The following KAZN variants were observed in gnomAD, a reference collection of about 807,000 sequenced individuals.
KAZN encodes kazrin.
A neutral mutation model predicts 87.4 loss-of-function variants in KAZN; 40 were observed. The observed-to-expected ratio is 0.46, with a 90% confidence interval of 0.36 to 0.60. KAZN has a LOEUF of 0.60. Among genes scored for constraint, KAZN ranks in the 20% least tolerant of loss-of-function variants. The pLI is 0.00. For synonymous variants in KAZN, 466 were observed against 458.3 expected (o/e 1.02, Z -0.22); for missense variants, 898 against 1,073.9 (o/e 0.84, Z 2.29).
intron 1 of KAZN, among the ~76,000 whole-genome samples, chr1:14,156,910 GTT>G (rs200937006): frequency 8.2e-6 from 1 of 122,480 alleles, no homozygotes; most frequent in Non-Finnish European, 1.8e-5. Context: ...GTGGTCTTTT[GTT>G]TTTTTTTTTT....
chr1:15,090,507 C>G (rs1344324636), intron 8 of KAZN, among the ~76,000 whole-genome samples: 1 of 152,244 alleles, frequency 6.6e-6, no homozygotes, highest in Non-Finnish European at 1.5e-5. Flanking sequence ...GGCTGCCGGC[C>G]TGCACCCCGG....
At chr1:14,205,239 C>T (rs1646715822) in intron 2 of KAZN, among the ~76,000 whole-genome samples, 1 of 152,156 alleles carries the variant, frequency 6.6e-6, no homozygotes, top group Non-Finnish European at 1.5e-5. Flanking sequence ...CAGCTGTGTT[C>T]TCAGGAGAGC....
At chr1:14,589,917 G>A (rs530501922) in intron 2 of KAZN, among the ~76,000 whole-genome samples, 1 of 152,020 alleles carries the variant, frequency 6.6e-6, no homozygotes, top group Non-Finnish European at 1.5e-5. Flanking sequence ...TAAGAATCTG[G>A]GAAAAGAATG....
chr1:14,987,622 G>A (rs977230540), intron 2 of KAZN, among the ~76,000 whole-genome samples: 1 of 152,204 alleles, frequency 6.6e-6, no homozygotes, highest in South Asian at 2.1e-4. Flanking sequence ...TGAGCTTCGC[G>A]TATGTTGGGG....
Position 14,949,436 on chromosome 1 carries a change from A to G in KAZN, c.227-11248A>G, listed in dbSNP as rs904344520. 5.3e-5 allele frequency among the ~76,000 whole-genome samples: 8 copies of G among 152,156 alleles called. No homozygotes were observed. Among genetic ancestry groups the G allele is most frequent in the African/African-American group, 1.7e-4 (7 of 41,420 alleles). On this transcript the variant is annotated intron_variant, in intron 1 of 14. Transcript: ENST00000376030. The surrounding 1 kb of genome is among the most constrained non-coding windows in gnomAD (Gnocchi z 4.3). ...GCAGACTGTTCATAAGTCATCAAGG[A>G]GGCCTGGCCATGGGCTCTGGGACTG...
At chr1:14,637,301 C>T (rs1377064521) in intron 1 of KAZN, among the ~76,000 whole-genome samples, 1 of 152,126 alleles carries the variant, frequency 6.6e-6, no homozygotes, top group African/African-American at 2.4e-5. Flanking sequence ...TTACTGAGAG[C>T]CTTCTAGATG....
chr1:13,908,089 G>C (rs1421083245), intron 1 of KAZN, among the ~76,000 whole-genome samples: 1 of 152,236 alleles, frequency 6.6e-6, no homozygotes, highest in Non-Finnish European at 1.5e-5. Flanking sequence ...TTTAAAGAAA[G>C]TGCCAGCCAC....
rs149201797 is a variant in KAZN, at chr1:14,960,468, G to A, written c.227-216G>A. ...TGGAGTCCTCGGGAGTCGTGGTGGAGGGGTCTCACTAGGTGAGCTCTGCAG... is the reference window on the plus strand; with the variant it reads ...TGGAGTCCTCGGGAGTCGTGGTGGAAGGGTCTCACTAGGTGAGCTCTGCAG... On this transcript the variant is annotated intron_variant, in intron 1 of 14. Transcript: ENST00000376030. Among the ~76,000 whole-genome samples, 473 of 152,278 alleles carry A rather than the reference G, an allele frequency of 3.1e-3. 4 individuals are homozygous for A. The highest frequency in any genetic ancestry group is 0.011 in the African/African-American group (442 of 41,562).
chr1:15,014,767 TG>T (rs375765767), intron 2 of KAZN, among the ~76,000 whole-genome samples: 123 of 152,278 alleles, frequency 8.1e-4, no homozygotes, highest in African/African-American at 2.7e-3. Context: ...AGTCAGCTTG[TG>T]GGGCTGAGGC....
chr1:14,876,210 A>G (rs1204307622), intron 1 of KAZN, among the ~76,000 whole-genome samples: 1 of 152,218 alleles, frequency 6.6e-6, no homozygotes, highest in East Asian at 1.9e-4. Flanking sequence ...CAGTGTTATC[A>G]GTTCCCTGTC....
intron 2 of KAZN, among the ~76,000 whole-genome samples, chr1:14,310,841 T>G (rs1224967369): frequency 1.3e-5 from 2 of 152,066 alleles, no homozygotes; most frequent in Non-Finnish European, 2.9e-5. Flanking sequence ...TGTGTTGGAG[T>G]GAAATTGTCA....
chr1:13,962,892 TGTAGAGAA>T (rs1406091095), intron 1 of KAZN, among the ~76,000 whole-genome samples: 2 of 151,950 alleles, frequency 1.3e-5, no homozygotes, highest in South Asian at 4.2e-4. Context: ...AAAACTGAGG[TGTAGAGAA>T]GTAGAGAAGA....
At chr1:15,024,328 C>T (rs1291161163) in intron 2 of KAZN, among the ~76,000 whole-genome samples, 1 of 152,110 alleles carries the variant, frequency 6.6e-6, no homozygotes, top group Non-Finnish European at 1.5e-5. Flanking sequence ...CGTTGGCGAC[C>T]GGCATGGAAA....
At position 15,116,373 on chromosome 1, in the gene KAZN, CT is replaced by C. The variant is rs1267950342; in HGVS notation, c.*1739del. ...CATGCCGAAGACCGTGGTGTTCCCC[CT>C]AATGACATAAACGCAGCCTTTCTTG... On this transcript the variant is annotated 3_prime_UTR_variant, in exon 15 of 15. Transcript: ENST00000376030. 4 of 152,192 alleles carry C rather than the reference CT, an allele frequency of 2.6e-5. No homozygotes were observed. Among genetic ancestry groups the C allele is most frequent in the African/African-American group, 7.2e-5 (3 of 41,462 alleles). The allele number at this position is 152,192 out of a possible 1,614,324, so 9.4% of individuals were successfully genotyped here. A position where few individuals can be genotyped will look rare whatever the true frequency, so the allele number is the denominator to read the frequency against.
Position 14,203,140 on chromosome 1 carries a change from C to A in KAZN, c.249+22548C>A, listed in dbSNP as rs146621658. ...ATAAATAATAAGAAGCCTATCGTGA[C>A]GTATTTTAAGTGGTTATGGACTGTA... On this transcript the variant is annotated intron_variant, in intron 2 of 16. Coordinates refer to the KAZN transcript ENST00000636203. Among the ~76,000 whole-genome samples the A allele has an allele frequency of 2.8e-3, 424 of 151,784 alleles. 10 individuals are homozygous for A. The East Asian group carries it at 0.055, about 20-fold the overall frequency.
At chr1:14,983,710 G>A (rs1666496672) in intron 2 of KAZN, among the ~76,000 whole-genome samples, 1 of 152,200 alleles carries the variant, frequency 6.6e-6, no homozygotes, top group Admixed American at 6.5e-5. Flanking sequence ...AGGAGGCTGA[G>A]GCAGGTGGAT....
rs571432254 is a variant in KAZN, at chr1:14,907,519, C to T, written c.227-53165C>T. The stretch of plus-strand genomic sequence containing the variant: ...TGATTGTGTTCAGTAGAGCTTGAGA[C>T]GCCTTCTGAAATAGTGCCCGAAGAC... On this transcript the variant is annotated intron_variant, in intron 1 of 14. Coordinates refer to ENST00000376030, the MANE Select transcript of KAZN (RefSeq NM_201628.3). Among the ~76,000 whole-genome samples, 71 of 152,084 alleles carry T rather than the reference C, an allele frequency of 4.7e-4. 1 individual carries two copies. The highest frequency in any genetic ancestry group is 7.6e-4 in the Non-Finnish European group (52 of 68,006).
At chr1:13,912,664 C>T (rs951225377) in intron 1 of KAZN, among the ~76,000 whole-genome samples, 4 of 152,142 alleles carry the variant, frequency 2.6e-5, no homozygotes, top group Admixed American at 2.6e-4. Context: ...AATGCAGTGG[C>T]ACAATCTTGG....
intron 1 of KAZN, among the ~76,000 whole-genome samples, chr1:14,633,509 A>G (rs1285637748): frequency 1.3e-5 from 2 of 152,216 alleles, no homozygotes; most frequent in Non-Finnish European, 2.9e-5. Flanking sequence ...TAGAGCTTCT[A>G]GAAGAAACAC....
Sources: allele counts gnomAD v4.1 joint callset (sites outside exome capture counted in the v4.1 genomes callset), GRCh38; gene constraint gnomAD v4.1.1; non-coding constraint Gnocchi (gnomAD v3.1); transcripts MANE v1.5; gene names NCBI Gene and HGNC (gene_info 2026-07-23, HGNC 2026-07-21).